Variants in AKAP19 observed in about 807,000 individuals in gnomAD.
AKAP19 encodes small A-kinase anchoring protein.
the AKAP19 span, among the ~76,000 whole-genome samples, chr2:190,014,487 T>C: frequency 6.6e-6 from 1 of 152,172 alleles, no homozygotes; most frequent in Non-Finnish European, 1.5e-5. Context: ...ACCATGTCCC[T>C]CCCTCAACAT....
the AKAP19 span, among the ~76,000 whole-genome samples, chr2:190,081,506 G>A: frequency 6.6e-6 from 1 of 152,046 alleles, no homozygotes; most frequent in Non-Finnish European, 1.5e-5. Context: ...CCCCAGTGAG[G>A]CAAATATTTA....
At chr2:189,910,931 A>G in the AKAP19 span, among the ~76,000 whole-genome samples, 2 of 152,070 alleles carry the variant, frequency 1.3e-5, no homozygotes, top group Non-Finnish European at 2.9e-5. Context: ...AAGGAGAGGC[A>G]TAGTTTATTC....
At chr2:190,123,300 C>T in the AKAP19 span, among the ~76,000 whole-genome samples, 1 of 152,080 alleles carries the variant, frequency 6.6e-6, no homozygotes, top group South Asian at 2.1e-4. Context: ...GTTCTTAGCA[C>T]TCTGACTTTT....
the AKAP19 span, among the ~76,000 whole-genome samples, chr2:189,934,171 C>A: frequency 6.6e-6 from 1 of 151,988 alleles, no homozygotes. Flanking sequence ...AGAAAAATGT[C>A]CATAGAAATA....
At chr2:190,079,796 G>C in the AKAP19 span, among the ~76,000 whole-genome samples, 1 of 151,520 alleles carries the variant, frequency 6.6e-6, no homozygotes, top group African/African-American at 2.4e-5. Flanking sequence ...GGGAGACAGA[G>C]CAAGACTCCA....
At chr2:189,944,382 G>T in the AKAP19 span, among the ~76,000 whole-genome samples, 2 of 152,046 alleles carry the variant, frequency 1.3e-5, no homozygotes, top group African/African-American at 4.8e-5. Flanking sequence ...ATGTTTGTAA[G>T]CTTCTTGAGG....
the AKAP19 span, among the ~76,000 whole-genome samples, chr2:189,977,690 G>T: frequency 9.2e-5 from 14 of 152,278 alleles, 1 homozygote; most frequent in African/African-American, 2.9e-4. Context: ...CTGCTGGAGT[G>T]GTGTAGGTAG....
the AKAP19 span, chr2:190,057,581 C>G: frequency 6.2e-7 from 1 of 1,613,442 alleles, no homozygotes; most frequent in Non-Finnish European, 8.5e-7. Context: ...CAGTCAAGAC[C>G]AAAATCCCTT....
At chr2:190,132,763 A>G in the AKAP19 span, among the ~76,000 whole-genome samples, 1 of 152,194 alleles carries the variant, frequency 6.6e-6, no homozygotes, top group Non-Finnish European at 1.5e-5. Flanking sequence ...AGCACAAGCA[A>G]CAAAAGCAAA....
chr2:189,983,114 G>A, the AKAP19 span, among the ~76,000 whole-genome samples: 15 of 152,116 alleles, frequency 9.9e-5, no homozygotes, highest in Non-Finnish European at 1.5e-5. Context: ...TAGGATAAGG[G>A]GTGAGGGTGC....
chr2:190,062,737 T>G, the AKAP19 span: 1 of 748,090 alleles, frequency 1.3e-6, no homozygotes, highest in South Asian at 1.9e-5. Context: ...TCTTTTATAC[T>G]GTATTCCAAG....
chr2:190,145,409 T>C, the AKAP19 span, among the ~76,000 whole-genome samples: 4 of 152,210 alleles, frequency 2.6e-5, no homozygotes, highest in Non-Finnish European at 4.4e-5. Context: ...TTTTGCTTTA[T>C]GAACAAAAAA....
the AKAP19 span, among the ~76,000 whole-genome samples, chr2:190,110,338 C>T: frequency 3.9e-5 from 6 of 152,138 alleles, no homozygotes; most frequent in African/African-American, 1.4e-4. Context: ...GCCAAGCCTC[C>T]CCATTGCATC....
At chr2:189,887,898 G>A in the AKAP19 span, among the ~76,000 whole-genome samples, 11,020 of 151,882 alleles carry the variant, frequency 0.073, 531 homozygotes, top group East Asian at 0.19. Flanking sequence ...TTCTCCCATT[G>A]TGTAGGTTGC....
chr2:190,034,084 T>TA, the AKAP19 span, among the ~76,000 whole-genome samples: 6 of 139,888 alleles, frequency 4.3e-5, no homozygotes, highest in East Asian at 2.1e-4. Context: ...TAAAGTATAA[T>TA]AAAAAAAATT....
chr2:189,907,927 A>T, the AKAP19 span, among the ~76,000 whole-genome samples: 1 of 151,454 alleles, frequency 6.6e-6, no homozygotes. Flanking sequence ...TTAATTTCTG[A>T]TTTTATCTGA....
At chr2:190,096,618 C>T in the AKAP19 span, among the ~76,000 whole-genome samples, 1 of 152,186 alleles carries the variant, frequency 6.6e-6, no homozygotes, top group Non-Finnish European at 1.5e-5. Flanking sequence ...ACTCTGCTCT[C>T]ATATTGCTTC....
the AKAP19 span, among the ~76,000 whole-genome samples, chr2:190,018,282 C>T: frequency 3.3e-5 from 5 of 152,148 alleles, no homozygotes; most frequent in East Asian, 7.7e-4. Flanking sequence ...ATTCTATCAA[C>T]TTTTTACCTC....
the AKAP19 span, among the ~76,000 whole-genome samples, chr2:189,897,979 C>T: frequency 1.3e-5 from 2 of 151,922 alleles, no homozygotes; most frequent in Non-Finnish European, 2.9e-5. Flanking sequence ...GAGGCTGAGA[C>T]GGTGGATCGC....
Sources: gnomAD v4.1 joint callset for allele counts (sites outside exome capture counted in the v4.1 genomes callset) on GRCh38, gnomAD v4.1.1 for gene constraint, MANE v1.5 for transcripts, NCBI Gene and HGNC (gene_info 2026-07-23, HGNC 2026-07-21) for gene names.